The following UBE2B variants were observed in gnomAD, a reference collection of about 807,000 sequenced individuals.
UBE2B encodes the protein ubiquitin-conjugating enzyme E2 B.
UBE2B carries 11 observed loss-of-function variants against 24.6 expected under a neutral mutation model. That is an observed-to-expected ratio of 0.45 (90% confidence interval 0.28 to 0.74). The LOEUF is 0.74. UBE2B is among the 30% of genes least tolerant of loss of function. UBE2B has a pLI of 0.13. For synonymous variants in UBE2B, 68 were observed against 62.4 expected (o/e 1.09, Z -0.42); for missense variants, 78 against 185.6 (o/e 0.42, Z 3.37).
chr5:134,383,071 G>A (rs529735778), intron 4 of UBE2B, among the ~76,000 whole-genome samples: 2 of 152,036 alleles, frequency 1.3e-5, no homozygotes, highest in African/African-American at 4.8e-5. Flanking sequence ...AGGCTGAGGC[G>A]GGAGAATTGC....
At chr5:134,377,571 T>C (rs1758629823) in intron 3 of UBE2B, among the ~76,000 whole-genome samples, 1 of 152,208 alleles carries the variant, frequency 6.6e-6, no homozygotes, top group Non-Finnish European at 1.5e-5. Context: ...TGTGTGTCTA[T>C]GTTAAAGGGT....
At chr5:134,386,198 C>G (rs770059107) in intron 4 of UBE2B, among the ~76,000 whole-genome samples, 6 of 129,218 alleles carry the variant, frequency 4.6e-5, no homozygotes, top group Non-Finnish European at 9.9e-5. Flanking sequence ...CGTGGTTGTA[C>G]ATGCCTGTGA....
intron 3 of UBE2B, among the ~76,000 whole-genome samples, chr5:134,379,175 A>C (rs1440910379): frequency 6.6e-6 from 1 of 152,178 alleles, no homozygotes; most frequent in Non-Finnish European, 1.5e-5. Context: ...ATAATACAAA[A>C]CCATGAATGG....
intron 2 of UBE2B, 139 bp downstream of exon 2, chr5:134,374,602 A>T: frequency 3.0e-6 from 3 of 999,520 alleles, no homozygotes; most frequent in Non-Finnish European, 1.5e-6. Context: ...ATTAGAAAAA[A>T]AAAATATTTC....
chr5:134,374,134 GAA>G (rs1213771261), intron 1 of UBE2B, among the ~76,000 whole-genome samples: 1 of 152,170 alleles, frequency 6.6e-6, no homozygotes, highest in African/African-American at 2.4e-5. Context: ...ATCAATTCTT[GAA>G]GAGATAATAT....
At chr5:134,381,610 C>T (rs980379459) in intron 4 of UBE2B, among the ~76,000 whole-genome samples, 8 of 152,024 alleles carry the variant, frequency 5.3e-5, no homozygotes, top group African/African-American at 1.9e-4. Flanking sequence ...TACAAAGCTT[C>T]CAAATTTGAG....
intron 1 of UBE2B, among the ~76,000 whole-genome samples, chr5:134,372,654 A>G (rs2149689112): frequency 1.3e-5 from 2 of 152,280 alleles, no homozygotes; most frequent in South Asian, 4.1e-4. Context: ...GATTTGGCCA[A>G]CTTATTTAAT....
At chr5:134,385,763 C>CA (rs1758788643) in intron 4 of UBE2B, 1 of 152,322 alleles carries the variant, frequency 6.6e-6, no homozygotes, top group African/African-American at 2.4e-5. Context: ...CCTGTAGTCC[C>CA]AGCACTTTGG....
chr5:134,382,936 G>A (rs1314707986), intron 4 of UBE2B, among the ~76,000 whole-genome samples: 1 of 152,034 alleles, frequency 6.6e-6, no homozygotes, highest in Non-Finnish European at 1.5e-5. Flanking sequence ...GGAGGCCAAG[G>A]CAGGTGGATC....
chr5:134,371,576 C>G lies in UBE2B; in HGVS notation c.-20C>G, dbSNP rs369451577. On this transcript the variant is annotated 5_prime_UTR_variant, in exon 1 of 6. Transcript: ENST00000265339. Reference sequence around the variant, plus strand: ...CGGGACTTTTTTTTTTTCAGACTGACCGCGGGGCAGCTGCGGAGCATGTCG... The same window carrying G: ...CGGGACTTTTTTTTTTTCAGACTGAGCGCGGGGCAGCTGCGGAGCATGTCG... The G allele has an allele frequency of 1.2e-6, 2 of 1,611,824 alleles. No individual in the cohort carries two copies. The highest frequency in any genetic ancestry group is 1.7e-6 in the Non-Finnish European group (2 of 1,179,482).
In UBE2B at chr5:134,391,658, C is replaced by T. The variant is rs1180616034; in HGVS notation, c.*1305C>T. 1 of 152,422 alleles carries T rather than the reference C, an allele frequency of 6.6e-6. No individual in the cohort carries two copies. The highest frequency in any genetic ancestry group is 1.5e-5 in the Non-Finnish European group (1 of 68,024). The allele number at this position is 152,422 out of a possible 1,614,324, so 9.4% of individuals were successfully genotyped here. A position where few individuals can be genotyped will look rare whatever the true frequency, so the allele number is the denominator to read the frequency against. On this transcript the variant is annotated 3_prime_UTR_variant, in exon 6 of 6. Coordinates refer to ENST00000265339, the MANE Select transcript of UBE2B (RefSeq NM_003337.4). Reference sequence around the variant, plus strand: ...CTTCTATTCATTATGCAACGTTTAACATTGATTGGATAAATGCTTATAGGC... The same window carrying T: ...CTTCTATTCATTATGCAACGTTTAATATTGATTGGATAAATGCTTATAGGC...
Position 134,374,443 on chromosome 5 carries a change from G to C in UBE2B, c.105G>C (p.Gln35His). Residue 35 changes from glutamine (Q) to histidine (H), a missense_variant, in exon 2 of 6, where the codon CAG (glutamine) becomes CAC (histidine). Gln to His is a conservative substitution (Grantham distance 24). This residue lies in a region of UBE2B where 57 missense variants were observed against 167.7 expected (regional missense o/e 0.34). Coordinates refer to ENST00000265339, the MANE Select transcript of UBE2B (RefSeq NM_003337.4). Reference sequence around the variant, plus strand: ...CACCATCTGAAAACAACATCATGCAGTGGAATGCAGTTATATTTGGGTGAG... The same window carrying C: ...CACCATCTGAAAACAACATCATGCACTGGAATGCAGTTATATTTGGGTGAG... ...SGAPSENNIM[Q>H]WNAVIFGPEG... 1 of 1,555,678 alleles carries C rather than the reference G, an allele frequency of 6.4e-7. No individual in the cohort carries two copies. The highest frequency in any genetic ancestry group is 8.7e-7 in the Non-Finnish European group (1 of 1,148,672).
At chr5:134,375,805 A>C in intron 2 of UBE2B, among the ~76,000 whole-genome samples, 1 of 147,332 alleles carries the variant, frequency 6.8e-6, no homozygotes, top group Non-Finnish European at 1.5e-5. Context: ...CTCAAAAAAA[A>C]AAAAAAAAAA....
At chr5:134,381,723 C>G (rs1429750791) in intron 4 of UBE2B, among the ~76,000 whole-genome samples, 4 of 151,822 alleles carry the variant, frequency 2.6e-5, no homozygotes, top group Non-Finnish European at 4.4e-5. Context: ...GTGGGCGGAT[C>G]ACCTGAGGTC....
chr5:134,375,670 G>T (rs1319617913), intron 2 of UBE2B, among the ~76,000 whole-genome samples: 3 of 151,856 alleles, frequency 2.0e-5, no homozygotes, highest in African/African-American at 7.3e-5. Context: ...GAGGTGGCGG[G>T]CGCCTGTAGT....
intron 2 of UBE2B, among the ~76,000 whole-genome samples, chr5:134,376,338 A>ATATATATAT (rs1276778610): frequency 0.011 from 48 of 4,374 alleles, 2 homozygotes; most frequent in African/African-American, 0.016. Context: ...AAAAAAAAAA[A>ATATATATAT]AAAAAAAAAA....
intron 3 of UBE2B, among the ~76,000 whole-genome samples, chr5:134,378,376 C>T (rs2149691239): frequency 6.6e-6 from 1 of 152,184 alleles, no homozygotes; most frequent in East Asian, 1.9e-4. Flanking sequence ...TCTCGTGCCT[C>T]AGCCTTCCAA....
chr5:134,375,811 A>C (rs1287943507), intron 2 of UBE2B, among the ~76,000 whole-genome samples: 1 of 150,648 alleles, frequency 6.6e-6, no homozygotes, highest in Non-Finnish European at 1.5e-5. Context: ...AAAAAAAAAA[A>C]AAAAAAAAAA....
chr5:134,390,318 T>G lies in UBE2B; in HGVS notation c.424T>G (p.Ser142Ala). The G allele has an allele frequency of 6.2e-7, 1 of 1,614,160 alleles. No individual in the cohort carries two copies. Among genetic ancestry groups the G allele is most frequent in the Non-Finnish European group, 8.5e-7 (1 of 1,180,012 alleles). ...ENKREYEKRV[S>A]AIVEQSWNDS ...CAAACGAGAATATGAGAAAAGAGTT[T>G]CGGCCATTGTTGAACAAAGCTGGAA... The change falls in exon 6 of 6, where the codon TCG becomes GCG. Residue 142 changes from serine to alanine, a missense_variant. Around this residue, in one of 2 missense-constraint regions of UBE2B, gnomAD observed 57 missense variants for 167.7 expected, o/e 0.34. Transcript: ENST00000265339. This position sits in a 1 kb window ranked among gnomAD's most constrained non-coding sequence, Gnocchi z 4.6.
Sources: gnomAD v4.1 joint callset for allele counts (sites outside exome capture counted in the v4.1 genomes callset) on GRCh38, gnomAD v4.1.1 for gene constraint, gnomAD v4.1.1 regional missense constraint, Gnocchi (gnomAD v3.1) non-coding constraint, MANE v1.5 for transcripts, NCBI Gene and HGNC (gene_info 2026-07-23, HGNC 2026-07-21) for gene names.